Variants in PAK3 observed in about 807,000 individuals in gnomAD.
The protein encoded by PAK3 is serine/threonine-protein kinase PAK 3.
In PAK3, 4 loss-of-function variants were observed where a neutral mutation model predicts 41.0. That is an observed-to-expected ratio of 0.10 (90% CI 0.05 to 0.22). The LOEUF (loss-of-function observed/expected upper bound fraction) is 0.22. PAK3 is among the 10% of genes least tolerant of loss of function. PAK3 has a pLI of 1.00. For synonymous variants in PAK3, 146 were observed against 139.6 expected (o/e 1.05, Z -0.32); for missense variants, 205 against 409.9 (o/e 0.50, Z 4.32).
intron 1 of PAK3, among the ~76,000 whole-genome samples, chrX:110,998,720 C>A (rs1188966620): frequency 8.9e-6 from 1 of 112,254 alleles, no homozygotes; most frequent in Non-Finnish European, 1.9e-5. Flanking sequence ...TTGTCTTGTG[C>A]ATATTCAGCA....
chrX:111,190,004 C>A (rs985947984), intron 11 of PAK3, among the ~76,000 whole-genome samples: 3 of 112,040 alleles, frequency 2.7e-5, no homozygotes, highest in Non-Finnish European at 5.6e-5. Context: ...TTAATTTGTT[C>A]ATTCAACAAA....
At chrX:111,117,985 G>C (rs2093495678) in intron 4 of PAK3, among the ~76,000 whole-genome samples, 1 of 111,327 alleles carries the variant, frequency 9.0e-6, no homozygotes, top group Non-Finnish European at 1.9e-5. Context: ...GCTGCTAGGA[G>C]ACCCAGATCT....
intron 1 of PAK3, among the ~76,000 whole-genome samples, chrX:111,023,262 G>T (rs2092217766): frequency 8.9e-6 from 1 of 111,804 alleles, no homozygotes; most frequent in Non-Finnish European, 1.9e-5. Flanking sequence ...TGGTGTATAT[G>T]TACCACATTT....
chrX:111,032,619 C>T (rs2092352965), intron 1 of PAK3, among the ~76,000 whole-genome samples: 2 of 111,614 alleles, frequency 1.8e-5, no homozygotes, highest in East Asian at 5.6e-4. Context: ...TGAGCACAGA[C>T]GAGGCAGGCA....
chrX:111,206,520 C>T (rs2094750188), intron 16 of PAK3, among the ~76,000 whole-genome samples: 1 of 112,302 alleles, frequency 8.9e-6, no homozygotes, highest in Admixed American at 9.4e-5. Context: ...GGCTAACAGC[C>T]AGTGAGTCAG....
At chrX:111,195,785 A>G in intron 14 of PAK3, 57 bp from the exon 15 acceptor site, 1 of 751,058 alleles carries the variant, frequency 1.3e-6, no homozygotes, top group Non-Finnish European at 2.1e-6. Flanking sequence ...TAGAAATAAA[A>G]CTTAGTATTA....
At chrX:111,024,647 A>G (rs927177240) in intron 1 of PAK3, among the ~76,000 whole-genome samples, 1 of 111,338 alleles carries the variant, frequency 9.0e-6, no homozygotes, top group Non-Finnish European at 1.9e-5. Context: ...TCCCAAATTT[A>G]TTAAACAACT....
At chrX:111,064,597 G>T (rs188689906) in intron 1 of PAK3, among the ~76,000 whole-genome samples, 2 of 111,871 alleles carry the variant, frequency 1.8e-5, no homozygotes, top group Non-Finnish European at 3.8e-5. Flanking sequence ...GTCTCCAGCT[G>T]CATCCATGTT....
chrX:111,077,705 A>G (rs2092798486), intron 1 of PAK3, among the ~76,000 whole-genome samples: 1 of 111,760 alleles, frequency 8.9e-6, no homozygotes, highest in South Asian at 3.7e-4. Flanking sequence ...CTGTAAAACT[A>G]CTAGAAGAGA....
At chrX:110,976,395 C>CA (rs1292161052) in intron 1 of PAK3, among the ~76,000 whole-genome samples, 7 of 112,108 alleles carry the variant, frequency 6.2e-5, no homozygotes, top group Non-Finnish European at 1.1e-4. Flanking sequence ...AAATGCAAAT[C>CA]AAACCACAAT....
intron 1 of PAK3, among the ~76,000 whole-genome samples, chrX:111,057,537 A>C (rs1248831424): frequency 8.9e-6 from 1 of 111,938 alleles, no homozygotes; most frequent in East Asian, 2.8e-4. Flanking sequence ...ACCTACAAAA[A>C]TTAACAATAA....
At chrX:111,150,534 T>C (rs1204433396) in intron 7 of PAK3, among the ~76,000 whole-genome samples, 3 of 111,852 alleles carry the variant, frequency 2.7e-5, no homozygotes, top group African/African-American at 9.8e-5. Flanking sequence ...GCAAAAGGCA[T>C]TTCTTACATC....
rs2208018 is a variant in PAK3 at position 111,162,757 on chromosome X, G to T, written c.469-158G>T. Among the ~76,000 whole-genome samples the T allele has an allele frequency of 0.084, 9,311 of 111,187 alleles. 694 individuals carry two copies. Among genetic ancestry groups the T allele is most frequent in the African/African-American group, 0.24 (7,350 of 30,527 alleles). On this transcript the variant is annotated intron_variant, in intron 8 of 17. Coordinates refer to ENST00000372007, the MANE Select transcript of PAK3 (RefSeq NM_002578.5). The stretch of plus-strand genomic sequence containing the variant: ...TCAGAGATTGTATTCAGGTGAGCAA[G>T]TCCTGGCCACCAAATTGTTGATGAT...
chrX:110,968,819 A>G (rs1489544639), intron 1 of PAK3, among the ~76,000 whole-genome samples: 1 of 110,388 alleles, frequency 9.1e-6, no homozygotes, highest in East Asian at 2.8e-4. Flanking sequence ...CATGGAGTAA[A>G]GTTTTTAAAT....
At chrX:110,954,549 G>C (rs915284425) in intron 1 of PAK3, among the ~76,000 whole-genome samples, 6 of 111,636 alleles carry the variant, frequency 5.4e-5, no homozygotes, top group African/African-American at 2.0e-4. Context: ...GTGGTAATAA[G>C]ACTGTGTTAC....
intron 5 of PAK3, among the ~76,000 whole-genome samples, chrX:111,133,743 A>T (rs1318270682): frequency 8.9e-6 from 1 of 112,301 alleles, no homozygotes; most frequent in African/African-American, 3.2e-5. Flanking sequence ...TGCAGTAAAA[A>T]TGCTTTATAT....
At chrX:111,209,944 C>T (rs1276653947) in intron 16 of PAK3, among the ~76,000 whole-genome samples, 1 of 111,490 alleles carries the variant, frequency 9.0e-6, no homozygotes, top group African/African-American at 3.3e-5. Flanking sequence ...TTGAATTATC[C>T]CTTAAACTTG....
chrX:111,109,561 T>A (rs757584718), intron 4 of PAK3, among the ~76,000 whole-genome samples: 10 of 111,985 alleles, frequency 8.9e-5, no homozygotes, highest in Admixed American at 6.6e-4. Context: ...CATTTAGCTA[T>A]CCCCTCTAGT....
At chrX:111,217,584 A>G (rs887467385) in intron 17 of PAK3, 19 of 957,667 alleles carry the variant, frequency 2.0e-5, no homozygotes, top group Non-Finnish European at 2.4e-5. Flanking sequence ...AAACTATCCC[A>G]CCCTAACTCA....
Sources: allele counts gnomAD v4.1 joint callset (sites outside exome capture counted in the v4.1 genomes callset), GRCh38; gene constraint gnomAD v4.1.1; transcripts MANE v1.5; gene names NCBI Gene and HGNC (gene_info 2026-07-23, HGNC 2026-07-21).